The following ERC1 variants were observed in gnomAD, a reference collection of about 807,000 sequenced individuals.
ERC1 encodes the protein ELKS/RAB6-interacting/CAST family member 1, also known as RAB6 interacting protein 2.
ERC1 carries 56 observed loss-of-function variants against 132.0 expected under a neutral mutation model. The ratio of observed to expected loss-of-function variants is 0.42; its 90% CI spans 0.34 to 0.53. The LOEUF is 0.53. Among genes scored for constraint, ERC1 ranks in the 20% least tolerant of loss-of-function variants. The pLI is 0.03. For synonymous variants in ERC1, 478 were observed against 476.1 expected (o/e 1.00, Z -0.05); for missense variants, 1,202 against 1,349.9 (o/e 0.89, Z 1.72).
chr12:1,233,015 A>G (rs1440438136), intron 12 of ERC1, among the ~76,000 whole-genome samples: 1 of 152,238 alleles, frequency 6.6e-6, no homozygotes, highest in Non-Finnish European at 1.5e-5. Flanking sequence ...TAGCCACTAG[A>G]AAATGTAATT....
chr12:1,068,355 T>C (rs1317245739), intron 2 of ERC1, among the ~76,000 whole-genome samples: 1 of 152,200 alleles, frequency 6.6e-6, no homozygotes, highest in Non-Finnish European at 1.5e-5. Flanking sequence ...AATTTTGATC[T>C]CAAAGATCCG....
At chr12:1,014,659 G>A (rs552659892) in intron 1 of ERC1, among the ~76,000 whole-genome samples, 1 of 152,018 alleles carries the variant, frequency 6.6e-6, no homozygotes, top group Non-Finnish European at 1.5e-5. Flanking sequence ...AGATTGCCTC[G>A]TAAGCATTCT....
intron 5 of ERC1, among the ~76,000 whole-genome samples, chr12:1,111,867 ACGGTG>A (rs2154207708): frequency 6.6e-6 from 1 of 152,200 alleles, no homozygotes; most frequent in South Asian, 2.1e-4. Flanking sequence ...TTGGCCTCCC[ACGGTG>A]CTGGGATATA....
chr12:1,138,364 A>G (rs1013652708), intron 7 of ERC1, among the ~76,000 whole-genome samples: 1 of 143,684 alleles, frequency 7.0e-6, no homozygotes, highest in African/African-American at 2.6e-5. Flanking sequence ...TATATGTTAT[A>G]TGTAAGTTGT....
chr12:1,469,490 C>T (rs2093812899), intron 18 of ERC1, among the ~76,000 whole-genome samples: 1 of 152,262 alleles, frequency 6.6e-6, no homozygotes, highest in South Asian at 2.1e-4. Flanking sequence ...GAAGAAGGAC[C>T]TGGCGGTCCT....
At chr12:1,078,033 A>G (rs988103161) in intron 2 of ERC1, among the ~76,000 whole-genome samples, 5 of 152,200 alleles carry the variant, frequency 3.3e-5, no homozygotes, top group South Asian at 2.1e-4. Flanking sequence ...AACCAGACAC[A>G]CTAGTAGTTA....
At position 1,173,270 on chromosome 12, in the gene ERC1, G is replaced by C. The variant is rs368020994; in HGVS notation, c.1738-7270G>C. Among the ~76,000 whole-genome samples the C allele has an allele frequency of 3.9e-5, 6 of 152,236 alleles. No homozygotes were observed. The East Asian group carries it at 9.6e-4, about 24-fold the overall frequency. On this transcript the variant is annotated intron_variant, in intron 8 of 18. Coordinates refer to ENST00000360905, the MANE Select transcript of ERC1 (RefSeq NM_178040.4). Reference sequence around the variant, plus strand: ...CTAGTGATTTTCCCATAGGCCTGTAGTGATGCTTAAATCATTGTTCCATAT... The same window carrying C: ...CTAGTGATTTTCCCATAGGCCTGTACTGATGCTTAAATCATTGTTCCATAT...
chr12:1,065,523 T>C (rs1194852625), intron 2 of ERC1, among the ~76,000 whole-genome samples: 1 of 149,540 alleles, frequency 6.7e-6, no homozygotes, highest in Non-Finnish European at 1.5e-5. Flanking sequence ...TGTGTGTGTT[T>C]GTATATTGCT....
chr12:1,442,979 C>T (rs150394696), intron 17 of ERC1, among the ~76,000 whole-genome samples: 216 of 150,378 alleles, frequency 1.4e-3, no homozygotes, highest in African/African-American at 5.0e-3. Context: ...GTGATCTCGG[C>T]TCACTGCAAG....
At chr12:1,450,126 T>C (rs1342279272) in intron 18 of ERC1, among the ~76,000 whole-genome samples, 3 of 152,246 alleles carry the variant, frequency 2.0e-5, no homozygotes, top group African/African-American at 7.2e-5. Context: ...ACATTGTTAC[T>C]GTTTTTGCTT....
chr12:1,122,265 ATCTCTATCTGTG>A (rs1191009435), intron 7 of ERC1, among the ~76,000 whole-genome samples: 2 of 7,478 alleles, frequency 2.7e-4, no homozygotes, highest in African/African-American at 5.4e-4. Context: ...CTCTATCTCT[ATCTCTATCTGTG>A]TCTCTATCTC....
At chr12:1,135,377 C>G (rs890062005) in intron 7 of ERC1, among the ~76,000 whole-genome samples, 3 of 152,126 alleles carry the variant, frequency 2.0e-5, no homozygotes, top group Non-Finnish European at 4.4e-5. Context: ...TATGTGTACA[C>G]TTCTGTATAT....
chr12:1,008,276 C>T (rs1024966044), intron 1 of ERC1, among the ~76,000 whole-genome samples: 3 of 152,028 alleles, frequency 2.0e-5, no homozygotes, highest in Admixed American at 1.3e-4. Context: ...TGCCAGAAAG[C>T]GCTGTTTATT....
At position 1,304,779 on chromosome 12, in the gene ERC1, C is replaced by CTTTTTTTTTTTTTTTTTTTTTT. The variant is rs1186965322; in HGVS notation, c.2780+14774_2780+14795dup. On this transcript the variant is annotated intron_variant, in intron 15 of 18. Coordinates refer to ENST00000360905, the MANE Select transcript of ERC1 (RefSeq NM_178040.4). ...GTGAAGTCTTCTGTTTGTTGTAACTCTTTTTTTTTTTTTTTTTTTTTTTTT... is the reference window on the plus strand; with the variant it reads ...GTGAAGTCTTCTGTTTGTTGTAACTCTTTTTTTTTTTTTTTTTTTTTTTTTTTTTTTTTTTTTTTTTTTTTTT... Among the ~76,000 whole-genome samples the CTTTTTTTTTTTTTTTTTTTTTT allele has an allele frequency of 2.9e-5, 2 of 70,070 alleles. 1 individual carries two copies. Among genetic ancestry groups the CTTTTTTTTTTTTTTTTTTTTTT allele is most frequent in the Non-Finnish European group, 5.6e-5 (2 of 35,476 alleles). The allele number at this position is 70,070 out of a possible 152,430, so 46.0% of individuals were successfully genotyped here.
At chr12:1,174,357 G>A (rs1043654946) in intron 8 of ERC1, among the ~76,000 whole-genome samples, 1 of 152,208 alleles carries the variant, frequency 6.6e-6, no homozygotes, top group South Asian at 2.1e-4. Context: ...TCCTCTTTTA[G>A]AAGTAAATAA....
At chr12:1,173,640 A>G (rs778462461) in intron 8 of ERC1, among the ~76,000 whole-genome samples, 1 of 152,192 alleles carries the variant, frequency 6.6e-6, no homozygotes, top group Non-Finnish European at 1.5e-5. Context: ...TCTGCTGAAT[A>G]TTTTATAAAA....
At chr12:1,093,942 AATATATATATTTTTCTATATATATAT>A (rs1943597206) in intron 3 of ERC1, among the ~76,000 whole-genome samples, 1 of 50,810 alleles carries the variant, frequency 2.0e-5, no homozygotes, top group South Asian at 8.7e-4. Context: ...TTTCTATATA[AATATATATATTTTTCTATATATATAT>A]ATATATATAT....
At chr12:1,335,797 A>G (rs929171301) in intron 15 of ERC1, among the ~76,000 whole-genome samples, 2 of 152,080 alleles carry the variant, frequency 1.3e-5, no homozygotes, top group Non-Finnish European at 2.9e-5. Flanking sequence ...TTCAGGGGTA[A>G]TGGTACCAGC....
chr12:1,035,764 T>C lies in ERC1; in HGVS notation c.669+7192T>C, dbSNP rs544504529. On this transcript the variant is annotated intron_variant, in intron 2 of 18. Coordinates refer to ENST00000360905, the MANE Select transcript of ERC1 (RefSeq NM_178040.4). ...GGTGAAACCCCGTCTCTACTAAAAA[T>C]ACAAAAAATTAGCTGAGTGTGGTGG... Among the ~76,000 whole-genome samples, 8 of 151,968 alleles carry C rather than the reference T, an allele frequency of 5.3e-5. No homozygotes were observed. In the East Asian group the frequency reaches 1.4e-3, roughly 26 times the overall value.
Sources: allele counts gnomAD v4.1 joint callset (sites outside exome capture counted in the v4.1 genomes callset), GRCh38; gene constraint gnomAD v4.1.1; transcripts MANE v1.5; gene names NCBI Gene and HGNC (gene_info 2026-07-23, HGNC 2026-07-21).